Variants in B3GALT1 observed in about 807,000 individuals in gnomAD.
The protein encoded by B3GALT1 is UDP-Gal:betaGlcNAc beta 1,3-galactosyltransferase, polypeptide 1.
B3GALT1 carries 10 observed loss-of-function variants against 23.2 expected under a neutral mutation model. The observed-to-expected ratio is 0.43, with a 90% CI of 0.27 to 0.73. The LOEUF (loss-of-function observed/expected upper bound fraction) is 0.73. Among genes scored for constraint, B3GALT1 ranks in the 30% least tolerant of loss-of-function variants. The pLI is 0.21. For missense variants in B3GALT1, 299 were observed against 405.4 expected (o/e 0.74, Z 2.25); for synonymous variants, 156 against 141.5 (o/e 1.10, Z -0.73).
intron 3 of B3GALT1, among the ~76,000 whole-genome samples, chr2:167,663,078 T>TA (rs1686097088): frequency 6.6e-6 from 1 of 151,152 alleles, no homozygotes; most frequent in Non-Finnish European, 1.5e-5. Context: ...CATCTAGCAT[T>TA]ACGTATATCT....
chr2:167,812,686 C>T lies in B3GALT1; in HGVS notation c.-351-5986C>T, dbSNP rs184755313. Reference sequence around the variant, plus strand: ...GTCCTCAGCACCTAGCATGTGAATTCCATGTAAAAGGAAAATAAAAATATT... The same window carrying T: ...GTCCTCAGCACCTAGCATGTGAATTTCATGTAAAAGGAAAATAAAAATATT... On this transcript the variant is annotated intron_variant, in intron 3 of 4. Coordinates refer to ENST00000392690, the MANE Select transcript of B3GALT1 (RefSeq NM_020981.4). Among the ~76,000 whole-genome samples, 344 of 152,166 alleles carry T rather than the reference C, an allele frequency of 2.3e-3. 2 individuals carry two copies. The highest frequency in any genetic ancestry group is 0.02 in the Middle Eastern group (6 of 294).
chr2:167,451,751 G>T (rs1357980758), intron 1 of B3GALT1, among the ~76,000 whole-genome samples: 2 of 152,204 alleles, frequency 1.3e-5, no homozygotes, highest in African/African-American at 4.8e-5. Flanking sequence ...GTGCCCTAGA[G>T]CTCCCAACAG....
chr2:167,459,558 A>G (rs548165333), intron 1 of B3GALT1, among the ~76,000 whole-genome samples: 1 of 152,318 alleles, frequency 6.6e-6, no homozygotes, highest in East Asian at 1.9e-4. Flanking sequence ...AGTTATAAGA[A>G]TACTAGCTTT....
chr2:167,714,176 G>A, intron 3 of B3GALT1: 1 of 1,516,856 alleles, frequency 6.6e-7, no homozygotes, highest in African/African-American at 1.4e-5. Context: ...CAGTCTATCA[G>A]AATTAGAATA....
chr2:167,300,261 C>G (rs758928721), intron 1 of B3GALT1, among the ~76,000 whole-genome samples: 3 of 152,096 alleles, frequency 2.0e-5, no homozygotes, highest in Non-Finnish European at 4.4e-5. Context: ...GAAAATTTCT[C>G]CTGATTTTAT....
At chr2:167,513,485 C>A (rs1159889733) in intron 2 of B3GALT1, among the ~76,000 whole-genome samples, 2 of 152,082 alleles carry the variant, frequency 1.3e-5, no homozygotes, top group African/African-American at 4.8e-5. Context: ...TGAACATCAA[C>A]TGGATATTAG....
intron 4 of B3GALT1, among the ~76,000 whole-genome samples, chr2:167,859,937 TAA>T (rs1690067029): frequency 6.6e-6 from 1 of 152,190 alleles, no homozygotes; most frequent in Non-Finnish European, 1.5e-5. Flanking sequence ...TTTGGAGAGA[TAA>T]TAAGTTAGCA....
intron 3 of B3GALT1, among the ~76,000 whole-genome samples, chr2:167,796,685 A>G (rs1385658740): frequency 2.0e-5 from 3 of 152,194 alleles, no homozygotes; most frequent in African/African-American, 7.2e-5. Context: ...CAGGAGGCGG[A>G]TGTTGCAGTG....
intron 3 of B3GALT1, among the ~76,000 whole-genome samples, chr2:167,751,055 C>T (rs1211308987): frequency 1.3e-5 from 2 of 152,128 alleles, no homozygotes; most frequent in African/African-American, 4.8e-5. Flanking sequence ...CAGGCGTAAA[C>T]AACATATAAA....
chr2:167,553,921 G>C (rs536830865), intron 2 of B3GALT1, among the ~76,000 whole-genome samples: 2 of 152,184 alleles, frequency 1.3e-5, no homozygotes, highest in South Asian at 4.2e-4. Context: ...TAATTATATG[G>C]TACATTTAGT....
chr2:167,678,237 A>G (rs1329294757), intron 3 of B3GALT1, among the ~76,000 whole-genome samples: 1 of 152,164 alleles, frequency 6.6e-6, no homozygotes, highest in African/African-American at 2.4e-5. Context: ...CATAATAGCA[A>G]CTGCTGTTGA....
chr2:167,319,674 T>C (rs188620538), intron 1 of B3GALT1, among the ~76,000 whole-genome samples: 1 of 152,170 alleles, frequency 6.6e-6, no homozygotes, highest in African/African-American at 2.4e-5. Context: ...AAGAAACATT[T>C]TATTATTTAA....
At chr2:167,840,917 A>G (rs938622409) in intron 4 of B3GALT1, among the ~76,000 whole-genome samples, 2 of 145,900 alleles carry the variant, frequency 1.4e-5, no homozygotes, top group African/African-American at 2.7e-5. Flanking sequence ...TCAGTAAACT[A>G]TCGAAGAACA....
In B3GALT1 at chr2:167,869,650, C is replaced by T; in HGVS notation, c.611C>T (p.Thr204Ile). 1.9e-6 allele frequency: 3 copies of T among 1,614,182 alleles called. No homozygotes were observed. Among genetic ancestry groups the T allele is most frequent in the South Asian group, 1.1e-5 (1 of 91,080 alleles). Residue 204 changes from threonine (T) to isoleucine (I), a missense_variant, in exon 5 of 5, where the codon ACT (threonine) becomes ATT (isoleucine). Physicochemically the swap from Thr to Ile is moderately conservative, Grantham distance 89. Transcript: ENST00000392690. The surrounding 1 kb of genome is among the most constrained non-coding windows in gnomAD (Gnocchi z 6.4). The stretch of plus-strand genomic sequence containing the variant: ...ACCAAGCCACGAAGAAGGTATTTTA[C>T]TGGCTATGTCATTAATGGAGGACCG... ...PSTKPRRRYF[T>I]GYVINGGPIR...
At chr2:167,467,063 G>C (rs1027580647) in intron 1 of B3GALT1, among the ~76,000 whole-genome samples, 2 of 151,516 alleles carry the variant, frequency 1.3e-5, no homozygotes, top group African/African-American at 4.9e-5. Flanking sequence ...TGATACAACT[G>C]TGTTGTAGCA....
At chr2:167,446,167 T>C (rs940668752) in intron 1 of B3GALT1, among the ~76,000 whole-genome samples, 6 of 152,236 alleles carry the variant, frequency 3.9e-5, no homozygotes, top group Non-Finnish European at 7.3e-5. Context: ...AAAATTCTTT[T>C]CTTTAAGAAT....
intron 1 of B3GALT1, among the ~76,000 whole-genome samples, chr2:167,420,885 T>C (rs1559091238): frequency 6.6e-6 from 1 of 152,194 alleles, no homozygotes; most frequent in African/African-American, 2.4e-5. Flanking sequence ...TGGTGGCAGA[T>C]AGAAAGGGAC....
At chr2:167,705,884 A>G (rs1196663044) in intron 3 of B3GALT1, among the ~76,000 whole-genome samples, 1 of 152,248 alleles carries the variant, frequency 6.6e-6, no homozygotes, top group Non-Finnish European at 1.5e-5. Context: ...AATGCTTAAT[A>G]GCCACATGTG....
intron 3 of B3GALT1, among the ~76,000 whole-genome samples, chr2:167,767,787 A>G (rs961532511): frequency 6.6e-6 from 1 of 152,272 alleles, no homozygotes. Flanking sequence ...TAACTAGGAA[A>G]GTTTTCTACA....
Sources: allele counts gnomAD v4.1 joint callset (sites outside exome capture counted in the v4.1 genomes callset), GRCh38; gene constraint gnomAD v4.1.1; non-coding constraint Gnocchi (gnomAD v3.1); transcripts MANE v1.5; gene names NCBI Gene and HGNC (gene_info 2026-07-23, HGNC 2026-07-21).